ARRB1: variants seen among roughly 807,000 people sequenced by gnomAD.
ARRB1 encodes beta-arrestin-1.
A neutral mutation model predicts 56.8 loss-of-function variants in ARRB1; 21 were observed. That is an observed-to-expected ratio of 0.37 (90% CI 0.26 to 0.53). The LOEUF (loss-of-function observed/expected upper bound fraction) is 0.53. Among genes scored for constraint, ARRB1 ranks in the 20% least tolerant of loss-of-function variants. The pLI, the probability that ARRB1 is intolerant of heterozygous loss-of-function variation, is 0.88. For synonymous variants in ARRB1, 210 were observed against 218.6 expected, an observed-to-expected ratio of 0.96 and a Z score of 0.35; for missense variants, 424 against 553.7, an observed-to-expected ratio of 0.77 and a Z score of 2.35.
At chr11:75,268,510 C>CAAAAAAAAAA (rs61409833) in intron 14 of ARRB1, among the ~76,000 whole-genome samples, 5 of 61,412 alleles carry the variant, frequency 8.1e-5, no homozygotes, top group Non-Finnish European at 1.0e-4. Context: ...GTCTCAAAAC[C>CAAAAAAAAAA]AAAAAAAAAA....
At position 75,283,455 on chromosome 11, in the gene ARRB1, G is replaced by A. The variant is rs1278061980; in HGVS notation, c.186C>T (p.Arg62=). ...GGACATCCAGGTCCTCCCGGCCATA[G>A]CGGAAGGCGCAGGTCAGCGTCACAT... ...RVYVTLTCAF[R]YGREDLDVLG... Residue 62 remains arginine, a synonymous_variant, in exon 5 of 16, where the codon CGC becomes CGT. Transcript: ENST00000420843. 1.9e-6 allele frequency: 3 copies of A among 1,613,436 alleles called. No homozygotes were observed. Among genetic ancestry groups the A allele is most frequent in the East Asian group, 2.2e-5 (1 of 44,874 alleles).
At chr11:75,278,489 C>T in intron 8 of ARRB1, 120 bp downstream of exon 8, 1 of 1,419,076 alleles carries the variant, frequency 7.0e-7, no homozygotes, top group South Asian at 1.3e-5. Context: ...CCCTGTGGTC[C>T]TTGGGCTGGG....
intron 1 of ARRB1, among the ~76,000 whole-genome samples, chr11:75,304,366 G>A (rs1341788382): frequency 6.6e-6 from 1 of 152,016 alleles, no homozygotes; most frequent in African/African-American, 2.4e-5. Context: ...GTTCTCTGTG[G>A]TCAGGGACTC....
At chr11:75,278,537 G>T (rs1052955537) in intron 8 of ARRB1, 72 bp downstream of exon 8, 5 of 1,602,404 alleles carry the variant, frequency 3.1e-6, no homozygotes, top group Non-Finnish European at 4.3e-6. Context: ...TGCAGGCCAG[G>T]AGAGAGCTGG....
At chr11:75,320,021 CG>C (rs1947321767) in intron 1 of ARRB1, among the ~76,000 whole-genome samples, 1 of 152,196 alleles carries the variant, frequency 6.6e-6, no homozygotes, top group South Asian at 2.1e-4. Context: ...GAAGCCCCAT[CG>C]GGGACAGGGA....
intron 1 of ARRB1, among the ~76,000 whole-genome samples, chr11:75,327,971 A>G (rs1286484404): frequency 1.3e-5 from 2 of 152,222 alleles, no homozygotes; most frequent in African/African-American, 4.8e-5. Context: ...ATAAATACAT[A>G]AAGTGAACAA....
chr11:75,308,768 G>A (rs1947089422), intron 1 of ARRB1, among the ~76,000 whole-genome samples: 1 of 151,808 alleles, frequency 6.6e-6, no homozygotes, highest in Non-Finnish European at 1.5e-5. Context: ...TAGCCCTACA[G>A]TAATATTTTT....
chr11:75,268,662 A>AGTTCCCT (rs1945999598), intron 14 of ARRB1, among the ~76,000 whole-genome samples: 1 of 152,032 alleles, frequency 6.6e-6, no homozygotes, highest in Admixed American at 6.6e-5. Flanking sequence ...ATGGCCAATG[A>AGTTCCCT]GTTCCCTTCT....
chr11:75,351,555 G>A, intron 1 of ARRB1, 33 bp downstream of exon 1: 1 of 1,498,378 alleles, frequency 6.7e-7, no homozygotes. Flanking sequence ...TCGCCCCCAC[G>A]CGCCCCCCGC....
In ARRB1 at chr11:75,289,990, G is replaced by A. The variant is rs34999509; in HGVS notation, c.51+19C>T. The A allele has an allele frequency of 0.036, 57,728 of 1,614,056 alleles. 1,193 individuals carry two copies. Among genetic ancestry groups the A allele is most frequent in the African/African-American group, 0.07 (5,220 of 75,046 alleles). The stretch of plus-strand genomic sequence containing the variant: ...GTGTGAGGTCAGGGAGGCGCTGGGC[G>A]CAGCTGTTACAGACTCACCTTTCCA... On this transcript the variant is annotated intron_variant, in intron 2 of 15. Transcript: ENST00000420843.
intron 10 of ARRB1, among the ~76,000 whole-genome samples, chr11:75,275,155 T>TTATTTTATTTTA (rs1165855540): frequency 6.6e-6 from 1 of 151,012 alleles, no homozygotes; most frequent in African/African-American, 2.4e-5. Context: ...TTATTTTATT[T>TTATTTTATTTTA]TATTTTTTTG....
At chr11:75,286,023 C>G (rs1946460993) in intron 3 of ARRB1, among the ~76,000 whole-genome samples, 1 of 152,174 alleles carries the variant, frequency 6.6e-6, no homozygotes, top group Non-Finnish European at 1.5e-5. Flanking sequence ...CCAGGCAGGG[C>G]TGGAGGGGAG....
chr11:75,351,135 T>C (rs1340570718), intron 1 of ARRB1, among the ~76,000 whole-genome samples: 1 of 152,070 alleles, frequency 6.6e-6, no homozygotes. Context: ...TGTGTTGGAT[T>C]GTGAGCTGTG....
At chr11:75,288,616 CTT>C (rs10580123) in intron 2 of ARRB1, among the ~76,000 whole-genome samples, 71,301 of 133,364 alleles carry the variant, frequency 0.53, 18,287 homozygotes, top group Middle Eastern at 0.59. Flanking sequence ...GCAAATCTTT[CTT>C]TTTTTTTTTT....
intron 2 of ARRB1, among the ~76,000 whole-genome samples, chr11:75,287,684 C>T (rs1046759279): frequency 2.0e-5 from 3 of 152,150 alleles, no homozygotes; most frequent in African/African-American, 7.2e-5. Flanking sequence ...GGAGCAGCAG[C>T]GGCAGAGAAG....
chr11:75,304,852 C>T lies in ARRB1; in HGVS notation c.21-14813G>A, dbSNP rs531259512. On this transcript the variant is annotated intron_variant, in intron 1 of 15. Coordinates refer to ENST00000420843, the MANE Select transcript of ARRB1 (RefSeq NM_004041.5). ...GCTGAAGTGGGAGGATCGCTTGAAC[C>T]CAGGAGTTTGAGACCAGGCTGGGCA... Among the ~76,000 whole-genome samples the T allele has an allele frequency of 7.7e-4, 117 of 151,288 alleles. 1 individual carries two copies. The highest frequency in any genetic ancestry group is 9.7e-4 in the Non-Finnish European group (66 of 67,902).
intron 1 of ARRB1, among the ~76,000 whole-genome samples, chr11:75,347,531 G>A (rs1465801763): frequency 3.3e-5 from 5 of 152,176 alleles, no homozygotes; most frequent in Non-Finnish European, 7.3e-5. Flanking sequence ...AAGTGGAAAC[G>A]GCAAGGCCCA....
intron 1 of ARRB1, among the ~76,000 whole-genome samples, chr11:75,302,943 T>G (rs910381690): frequency 3.3e-5 from 5 of 152,094 alleles, no homozygotes; most frequent in African/African-American, 1.2e-4. Context: ...TCTGTCTCCC[T>G]ACAGTCTTGG....
chr11:75,271,772 A>T (rs1946078715), intron 12 of ARRB1, 48 bp from the exon 13 acceptor site: 3 of 1,545,084 alleles, frequency 1.9e-6, no homozygotes, highest in Non-Finnish European at 2.6e-6. Flanking sequence ...GAGAGTTCAG[A>T]GAGGAAGAAA....
Sources: allele counts gnomAD v4.1 joint callset (sites outside exome capture counted in the v4.1 genomes callset), GRCh38; gene constraint gnomAD v4.1.1; transcripts MANE v1.5; gene names NCBI Gene and HGNC (gene_info 2026-07-23, HGNC 2026-07-21).